The following FAM83B variants were observed in gnomAD, a reference collection of about 807,000 sequenced individuals.
The protein encoded by FAM83B is scaffolding CK1 anchoring protein B, also known as protein FAM83B.
A neutral mutation model predicts 38.8 loss-of-function variants in FAM83B; 26 were observed. That is an observed-to-expected ratio of 0.67 (90% CI 0.49 to 0.93). The LOEUF (loss-of-function observed/expected upper bound fraction) is 0.93, where lower values mean the gene tolerates loss of function less well. Ranked by LOEUF, FAM83B falls within the 40% of genes least tolerant of loss-of-function variation. FAM83B has a pLI of 0.00. For missense variants in FAM83B, 1,237 were observed against 1,197.3 expected (o/e 1.03, Z -0.49); for synonymous variants, 419 against 423.1 (o/e 0.99, Z 0.12).
intron 2 of FAM83B, among the ~76,000 whole-genome samples, chr6:54,912,094 T>G (rs1055645066): frequency 6.6e-6 from 1 of 152,002 alleles, no homozygotes; most frequent in Admixed American, 6.6e-5. Flanking sequence ...ATAACTTAAC[T>G]GTCTGCTTGA....
rs761597048 is a variant in FAM83B at position 54,941,277 on chromosome 6, A to G, written c.2306A>G (p.Lys769Arg). 1.2e-5 allele frequency: 20 copies of G among 1,610,504 alleles called. No individual in the cohort carries two copies. Among genetic ancestry groups the G allele is most frequent in the Non-Finnish European group, 1.6e-5 (19 of 1,179,058 alleles). The change falls in exon 5 of 5, where the codon AAA becomes AGA. Residue 769 changes from lysine to arginine, a missense_variant. By Grantham distance (26) the Lys-to-Arg change is conservative (BLOSUM62 2). Transcript: ENST00000306858. ...GTTAAGGGTTCCCCAAGTTTTTTGA[A>G]AAAGGGGTCTCAGAAGTTAAGGTCA... is the stretch of plus-strand genomic sequence containing the variant. The part of the protein sequence containing the change: ...KEVKGSPSFL[K>R]KGSQKLRSLL...
At chr6:54,869,415 G>T (rs1223990220) in intron 1 of FAM83B, among the ~76,000 whole-genome samples, 2 of 151,916 alleles carry the variant, frequency 1.3e-5, no homozygotes, top group African/African-American at 4.8e-5. Flanking sequence ...GCTTTATCTT[G>T]TCTATTCAAT....
intron 1 of FAM83B, among the ~76,000 whole-genome samples, chr6:54,853,173 AG>A (rs1771351519): frequency 1.3e-5 from 2 of 152,172 alleles, no homozygotes; most frequent in African/African-American, 4.8e-5. Context: ...AAACTAGCAG[AG>A]GTTGGTTCCT....
chr6:54,923,778 C>A (rs1028132903), intron 2 of FAM83B, among the ~76,000 whole-genome samples: 1 of 151,846 alleles, frequency 6.6e-6, no homozygotes, highest in Admixed American at 6.6e-5. Context: ...GCAGCATCTG[C>A]ACCTTTATAC....
At chr6:54,917,464 T>C (rs1300171981) in intron 2 of FAM83B, among the ~76,000 whole-genome samples, 1 of 152,162 alleles carries the variant, frequency 6.6e-6, no homozygotes, top group East Asian at 1.9e-4. Context: ...CATAATTAAA[T>C]TAATAATTTA....
chr6:54,879,939 G>C (rs187604261), intron 2 of FAM83B, among the ~76,000 whole-genome samples: 1 of 152,300 alleles, frequency 6.6e-6, no homozygotes, highest in East Asian at 1.9e-4. Context: ...TACTAGAATA[G>C]AATGTAAATG....
intron 1 of FAM83B, among the ~76,000 whole-genome samples, chr6:54,847,296 G>T (rs1336638338): frequency 6.6e-6 from 1 of 152,030 alleles, no homozygotes; most frequent in Non-Finnish European, 1.5e-5. Flanking sequence ...GGAAAAGGTG[G>T]GAGAGCTTAG....
chr6:54,891,711 A>G (rs940290792), intron 2 of FAM83B, among the ~76,000 whole-genome samples: 2 of 152,176 alleles, frequency 1.3e-5, no homozygotes, highest in East Asian at 1.9e-4. Flanking sequence ...TAAAGGCATC[A>G]TCACATTCCT....
Position 54,914,529 on chromosome 6 carries a change from C to T in FAM83B, c.445-11842C>T, listed in dbSNP as rs187576270. On this transcript the variant is annotated intron_variant, in intron 2 of 4. Transcript: ENST00000306858. ...GTCATTTGTGTCAGAACCCATCTCT[C>T]TATTAACCTGAGGAACCCCTAATCC... Among the ~76,000 whole-genome samples, 667 of 152,176 alleles carry T rather than the reference C, an allele frequency of 4.4e-3. 7 individuals are homozygous for T. The highest frequency in any genetic ancestry group is 0.015 in the African/African-American group (635 of 41,500).
At chr6:54,866,182 C>T (rs1771700424) in intron 1 of FAM83B, among the ~76,000 whole-genome samples, 1 of 150,550 alleles carries the variant, frequency 6.6e-6, no homozygotes, top group Admixed American at 6.6e-5. Flanking sequence ...CAGATGAACT[C>T]TTATCTTGTG....
At chr6:54,850,641 C>G (rs1222903291) in intron 1 of FAM83B, among the ~76,000 whole-genome samples, 1 of 152,170 alleles carries the variant, frequency 6.6e-6, no homozygotes, top group Non-Finnish European at 1.5e-5. Flanking sequence ...TATATACACA[C>G]TGGCAATGAT....
intron 2 of FAM83B, 133 bp downstream of exon 2, chr6:54,870,823 C>A: frequency 1.2e-6 from 1 of 829,890 alleles, no homozygotes; most frequent in Non-Finnish European, 1.8e-6. Flanking sequence ...TAGGAAAGTA[C>A]CTATGGATAC....
chr6:54,938,951 A>G (rs1390043234), intron 4 of FAM83B, among the ~76,000 whole-genome samples: 1 of 152,242 alleles, frequency 6.6e-6, no homozygotes, highest in East Asian at 1.9e-4. Flanking sequence ...AATGTCTAGA[A>G]GAGTTTTTAT....
rs764825416 is a variant in FAM83B at position 54,941,587 on chromosome 6, A to T, written c.2616A>T (p.Pro872=). Residue 872 remains proline (P), a synonymous_variant, in exon 5 of 5, where the codon CCA becomes CCT. Transcript: ENST00000306858. ...DENKRTPSPG[P]VESKFLERAG... is the part of the protein sequence containing the mutation. Reference sequence around the variant, plus strand: ...ATAAAAGAACACCTTCTCCAGGTCCAGTTGAAAGCAAGTTCTTGGAAAGGG... The same window carrying T: ...ATAAAAGAACACCTTCTCCAGGTCCTGTTGAAAGCAAGTTCTTGGAAAGGG... 32 of 1,614,018 alleles carry T rather than the reference A, an allele frequency of 2.0e-5. No homozygotes were observed. The South Asian group carries it at 3.3e-4, about 17-fold the overall frequency.
intron 4 of FAM83B, among the ~76,000 whole-genome samples, chr6:54,931,488 T>C (rs754406434): frequency 7.3e-5 from 10 of 137,178 alleles, no homozygotes; most frequent in Non-Finnish European, 1.3e-4. Flanking sequence ...CAAATACTTA[T>C]AATTGTTATA....
intron 2 of FAM83B, among the ~76,000 whole-genome samples, chr6:54,892,038 A>G (rs948880147): frequency 1.3e-5 from 2 of 152,034 alleles, no homozygotes; most frequent in African/African-American, 2.4e-5. Flanking sequence ...TGCCCTCTAC[A>G]TTTGGTAATT....
chr6:54,870,121 T>A, intron 1 of FAM83B, 66 bp from the exon 2 acceptor site: 1 of 680,074 alleles, frequency 1.5e-6, no homozygotes, highest in South Asian at 2.0e-5. Flanking sequence ...ATAGTTGATA[T>A]GTATCATAAA....
chr6:54,885,806 GGGGACTGTTGTGGGACA>G (rs1378744707), intron 2 of FAM83B, among the ~76,000 whole-genome samples: 3 of 149,510 alleles, frequency 2.0e-5, no homozygotes, highest in African/African-American at 7.4e-5. Context: ...ATCACACACC[GGGGACTGTTGTGGGACA>G]GGGGGAGGGG....
Position 54,942,010 on chromosome 6 carries a change from A to G in FAM83B, c.*3A>G. 6.3e-7 allele frequency: 1 copy of G among 1,585,112 alleles called. No homozygotes were observed. Among genetic ancestry groups the G allele is most frequent in the Non-Finnish European group, 8.6e-7 (1 of 1,167,532 alleles). On this transcript the variant is annotated 3_prime_UTR_variant, in exon 5 of 5. Coordinates refer to ENST00000306858, the MANE Select transcript of FAM83B (RefSeq NM_001010872.3). ...ACTTTATACACAAAAATAAATAGCTATTAAAATGCAAAATGAATGAGGCTA... is the reference window on the plus strand; with the variant it reads ...ACTTTATACACAAAAATAAATAGCTGTTAAAATGCAAAATGAATGAGGCTA...
Sources: gnomAD v4.1 joint callset for allele counts (sites outside exome capture counted in the v4.1 genomes callset) on GRCh38, gnomAD v4.1.1 for gene constraint, MANE v1.5 for transcripts, NCBI Gene and HGNC (gene_info 2026-07-23, HGNC 2026-07-21) for gene names.